The following MAML3 variants were observed in gnomAD, a reference collection of about 807,000 sequenced individuals.
The protein encoded by MAML3 is mastermind like transcriptional coactivator 3, also known as mastermind-like protein 3.
A neutral mutation model predicts 101.9 loss-of-function variants in MAML3; 27 were observed. The observed-to-expected ratio is 0.27, with a 90% CI of 0.20 to 0.37. MAML3 has a LOEUF of 0.37. MAML3 is among the 10% of genes least tolerant of loss of function. The probability of loss-of-function intolerance (pLI) is 1.00; values close to 1 mark genes in which losing one functional copy is unlikely to be tolerated. For synonymous variants in MAML3, 501 were observed against 555.9 expected, an observed-to-expected ratio of 0.90 and a Z score of 1.39; for missense variants, 1,316 against 1,444.9, an observed-to-expected ratio of 0.91 and a Z score of 1.45.
At chr4:140,098,112 T>C (rs1207180169) in intron 1 of MAML3, among the ~76,000 whole-genome samples, 1 of 152,150 alleles carries the variant, frequency 6.6e-6, no homozygotes, top group Non-Finnish European at 1.5e-5. Flanking sequence ...TTCTTAAGAG[T>C]TCTCACATTT....
At chr4:139,821,124 T>A (rs1237046419) in intron 2 of MAML3, among the ~76,000 whole-genome samples, 1 of 152,196 alleles carries the variant, frequency 6.6e-6, no homozygotes, top group Non-Finnish European at 1.5e-5. Flanking sequence ...ATGGATTATT[T>A]TTCTGTCTGT....
chr4:139,863,839 T>TTTTTTTTTTTTC lies in MAML3; in HGVS notation c.2079+25517_2079+25518insGAAAAAAAAAAA, dbSNP rs1560817744. On this transcript the variant is annotated intron_variant, in intron 2 of 4. Coordinates refer to ENST00000509479, the MANE Select transcript of MAML3 (RefSeq NM_018717.5). ...GGTAATACCAGAACATGGGTTTTTT[T>TTTTTTTTTTTTC]TTTTTTTTTTTTTTTTTGTACTAAA... 5.7e-5 allele frequency among the ~76,000 whole-genome samples: 2 copies of TTTTTTTTTTTTC among 34,874 alleles called. 1 individual carries two copies. The highest frequency in any genetic ancestry group is 5.2e-4 in the East Asian group (2 of 3,880). The allele number at this position is 34,874 out of a possible 152,430, so 22.9% of individuals were successfully genotyped here. A position where few individuals can be genotyped will look rare whatever the true frequency, so the allele number is the denominator to read the frequency against.
At chr4:139,725,622 A>G in intron 4 of MAML3, 129 bp downstream of exon 4, 1 of 896,818 alleles carries the variant, frequency 1.1e-6, no homozygotes, top group South Asian at 1.4e-5. Flanking sequence ...CTCTTAACCT[A>G]CCAGTAGTTA....
At chr4:140,077,726 A>C (rs1184243855) in intron 1 of MAML3, among the ~76,000 whole-genome samples, 2 of 152,102 alleles carry the variant, frequency 1.3e-5, no homozygotes, top group African/African-American at 2.4e-5. Flanking sequence ...CAGGGTTAAA[A>C]ATAAAGAGAG....
chr4:139,858,401 A>G (rs1731705880), intron 2 of MAML3, among the ~76,000 whole-genome samples: 1 of 151,070 alleles, frequency 6.6e-6, no homozygotes, highest in Admixed American at 6.6e-5. Flanking sequence ...AGTCATTCAT[A>G]ACAATTTTGA....
At chr4:140,122,771 G>A (rs1458948029) in intron 1 of MAML3, among the ~76,000 whole-genome samples, 3 of 130,568 alleles carry the variant, frequency 2.3e-5, no homozygotes, top group Admixed American at 8.0e-5. Flanking sequence ...CAGCCTGGGC[G>A]ACAGAGCGAG....
chr4:139,804,100 T>G (rs1730662864), intron 2 of MAML3, among the ~76,000 whole-genome samples: 1 of 152,124 alleles, frequency 6.6e-6, no homozygotes, highest in Non-Finnish European at 1.5e-5. Flanking sequence ...CCTCAGCACT[T>G]TGGGCCTCAG....
intron 2 of MAML3, among the ~76,000 whole-genome samples, chr4:139,888,779 G>C (rs1382476762): frequency 2.6e-5 from 4 of 152,216 alleles, no homozygotes; most frequent in Admixed American, 2.0e-4. Flanking sequence ...GCTTCTAACT[G>C]TTGCTAGTCT....
chr4:139,863,339 T>C (rs1233853696), intron 2 of MAML3, among the ~76,000 whole-genome samples: 1 of 131,766 alleles, frequency 7.6e-6, no homozygotes, highest in Non-Finnish European at 1.6e-5. Flanking sequence ...CTTTTTCCTG[T>C]GCCCTTTTTT....
At chr4:139,746,854 A>G (rs1729340176) in intron 2 of MAML3, among the ~76,000 whole-genome samples, 1 of 152,128 alleles carries the variant, frequency 6.6e-6, no homozygotes, top group African/African-American at 2.4e-5. Flanking sequence ...CCTTCCTTTG[A>G]TCAAGTAAAG....
chr4:139,777,127 G>T (rs1730110107), intron 2 of MAML3, among the ~76,000 whole-genome samples: 1 of 152,194 alleles, frequency 6.6e-6, no homozygotes, highest in African/African-American at 2.4e-5. Flanking sequence ...TGCTGATGTG[G>T]TACAGGGCCC....
intron 1 of MAML3, among the ~76,000 whole-genome samples, chr4:140,145,483 G>A (rs1256107334): frequency 6.6e-6 from 1 of 152,174 alleles, no homozygotes; most frequent in Non-Finnish European, 1.5e-5. Flanking sequence ...TAATTAAAAG[G>A]TGCCTAAATT....
At chr4:139,826,671 A>G (rs1731066083) in intron 2 of MAML3, among the ~76,000 whole-genome samples, 3 of 152,190 alleles carry the variant, frequency 2.0e-5, no homozygotes, top group Non-Finnish European at 2.9e-5. Context: ...ATTGCCTGCT[A>G]GGGAACCAGC....
intron 2 of MAML3, among the ~76,000 whole-genome samples, chr4:139,844,684 G>T (rs1055710639): frequency 6.6e-6 from 1 of 152,190 alleles, no homozygotes; most frequent in Non-Finnish European, 1.5e-5. Context: ...CAGCCACATG[G>T]CTCCTCTTCA....
chr4:139,854,213 T>G (rs1366258445), intron 2 of MAML3, among the ~76,000 whole-genome samples: 2 of 152,214 alleles, frequency 1.3e-5, no homozygotes, highest in African/African-American at 4.8e-5. Context: ...TTAAGTCTGA[T>G]GTCTACAAAG....
chr4:139,736,407 A>C (rs1191930163), intron 2 of MAML3, among the ~76,000 whole-genome samples: 1 of 152,174 alleles, frequency 6.6e-6, no homozygotes, highest in Non-Finnish European at 1.5e-5. Flanking sequence ...CACAGGATGA[A>C]TCGAACACCC....
chr4:140,043,350 T>C (rs530316457), intron 1 of MAML3, among the ~76,000 whole-genome samples: 10 of 152,306 alleles, frequency 6.6e-5, no homozygotes, highest in African/African-American at 2.4e-4. Flanking sequence ...TGTTTTCCTA[T>C]ATTTGAAGAA....
At chr4:139,836,069 GTGGTAGATCA>G (rs1316506863) in intron 2 of MAML3, among the ~76,000 whole-genome samples, 1 of 152,196 alleles carries the variant, frequency 6.6e-6, no homozygotes, top group Non-Finnish European at 1.5e-5. Context: ...GCCAGTAAAG[GTGGTAGATCA>G]TGTGACCCTT....
intron 2 of MAML3, among the ~76,000 whole-genome samples, chr4:139,794,845 T>G (rs971177824): frequency 1.3e-5 from 2 of 152,246 alleles, no homozygotes; most frequent in Non-Finnish European, 2.9e-5. Context: ...GTCTTCGTAC[T>G]GCTTAACAGA....
Sources: gnomAD v4.1 joint callset for allele counts (sites outside exome capture counted in the v4.1 genomes callset) on GRCh38, gnomAD v4.1.1 for gene constraint, MANE v1.5 for transcripts, NCBI Gene and HGNC (gene_info 2026-07-23, HGNC 2026-07-21) for gene names.